ANKRD50: variants seen among roughly 807,000 people sequenced by gnomAD.
The protein encoded by ANKRD50 is ankyrin repeat domain 50, also known as ankyrin repeat domain-containing protein 50.
A neutral mutation model predicts 112.0 loss-of-function variants in ANKRD50; 40 were observed. The ratio of observed to expected loss-of-function variants is 0.36; its 90% confidence interval spans 0.28 to 0.46. ANKRD50 has a LOEUF of 0.46. Ranked by LOEUF, ANKRD50 falls within the 20% of genes least tolerant of loss-of-function variation. The pLI is 1.00. For missense variants in ANKRD50, 1,487 were observed against 1,701.7 expected (o/e 0.87, Z 2.22); for synonymous variants, 613 against 619.1 (o/e 0.99, Z 0.15).
At position 124,665,962 on chromosome 4, in the gene ANKRD50, T is replaced by C. The variant is rs1392270440; in HGVS notation, c.*1556A>G. 6.6e-6 allele frequency: 1 copy of C among 152,078 alleles called. No homozygotes were observed. Among genetic ancestry groups the C allele is most frequent in the South Asian group, 2.1e-4 (1 of 4,832 alleles). 9.4% of individuals were successfully genotyped at this position (152,078 alleles called of 1,614,324 possible). A position where few individuals can be genotyped will look rare whatever the true frequency, so the allele number is the denominator to read the frequency against. On this transcript the variant is annotated 3_prime_UTR_variant, in exon 5 of 5. Coordinates refer to ENST00000504087, the MANE Select transcript of ANKRD50 (RefSeq NM_020337.3). ...ATGAAGATGACATTACTGACCTTTG[T>C]TATTAGGACATATTCTAAAGATTTT... is the stretch of plus-strand genomic sequence containing the variant.
rs778378480 is a variant in ANKRD50 at position 124,665,910 on chromosome 4, A to G, written c.*1608T>C. ...TAATTATACATTTCTATTTCCACGA[A>G]CAATGTATCACATGTGTCCTTCATA... On this transcript the variant is annotated 3_prime_UTR_variant, in exon 5 of 5. Transcript: ENST00000504087. The G allele has an allele frequency of 3.3e-5, 5 of 152,174 alleles. No homozygotes were observed. The highest frequency in any genetic ancestry group is 7.4e-5 in the Non-Finnish European group (5 of 67,898). The allele number at this position is 152,174 out of a possible 1,614,324, so 9.4% of individuals were successfully genotyped here.
In ANKRD50 at chr4:124,678,870, G is replaced by A. The variant is rs2110512874; in HGVS notation, c.548C>T (p.Pro183Leu). 1 of 1,613,568 alleles carries A rather than the reference G, an allele frequency of 6.2e-7. No individual in the cohort carries two copies. Among genetic ancestry groups the A allele is most frequent in the Non-Finnish European group, 8.5e-7 (1 of 1,179,664 alleles). ...VLLPLLGMKP[P>L]QQSLYLLVDS... ...AACAAGCAGGTATAGGCTTTGCTGG[G>A]GAGGCTTCATTCCCAGAAGAGGGAG... is the stretch of plus-strand genomic sequence containing the variant. The change falls in exon 3 of 5, where the codon CCC becomes CTC. Residue 183 changes from proline to leucine, a missense_variant. Coordinates refer to ENST00000504087, the MANE Select transcript of ANKRD50 (RefSeq NM_020337.3).
rs972600223 is a variant in ANKRD50, at chr4:124,669,087, T to A, written c.4190A>T (p.Tyr1397Phe). ...GCTTAATTCTGTCTCTGAGGAAGGGTATCCCTCCAACACTTCCTGATGCCC... is the reference window on the plus strand; with the variant it reads ...GCTTAATTCTGTCTCTGAGGAAGGGAATCCCTCCAACACTTCCTGATGCCC... ...DRGHQEVLEGYPSSETELSLK... is the reference protein window; with the variant it reads ...DRGHQEVLEGFPSSETELSLK... Residue 1397 changes from tyrosine (Y) to phenylalanine (F), a missense_variant, in exon 4 of 5, where the codon TAC becomes TTC. Tyr to Phe is a conservative substitution (Grantham distance 22). This residue lies in a region of ANKRD50 where 441 missense variants were observed against 432.2 expected (regional missense o/e 1.02). Coordinates refer to ENST00000504087, the MANE Select transcript of ANKRD50 (RefSeq NM_020337.3). 1.2e-5 allele frequency: 20 copies of A among 1,613,540 alleles called. No individual in the cohort carries two copies. The African/African-American group carries it at 2.1e-4, about 17-fold the overall frequency.
At chr4:124,683,904 CTT>C (rs5861676) in intron 2 of ANKRD50, among the ~76,000 whole-genome samples, 2 of 111,774 alleles carry the variant, frequency 1.8e-5, no homozygotes, top group African/African-American at 6.9e-5. Flanking sequence ...ATACATCAGT[CTT>C]TTTTTTTTTT....
chr4:124,671,780 C>T lies in ANKRD50; in HGVS notation c.1497G>A (p.Leu499=). Reference sequence around the variant, plus strand: ...TGACATGAGCCCCAGCTTTAACCAACAGCTGTAGCACTTCTTGTTCCTTGG... The same window carrying T: ...TGACATGAGCCCCAGCTTTAACCAATAGCTGTAGCACTTCTTGTTCCTTGG... ...LIPKEQEVLQ[L]LVKAGAHVNS... The change falls in exon 4 of 5, where the codon CTG becomes CTA. Residue 499 remains leucine (L), a synonymous_variant. Transcript: ENST00000504087. 1 of 1,613,902 alleles carries T rather than the reference C, an allele frequency of 6.2e-7. No individual in the cohort carries two copies. Among genetic ancestry groups the T allele is most frequent in the Non-Finnish European group, 8.5e-7 (1 of 1,179,870 alleles).
Position 124,712,703 on chromosome 4 carries a change from G to GCCGCCA in ANKRD50, c.-1010_-1009insTGGCGG. 6.5e-6 allele frequency: 1 copy of GCCGCCA among 154,576 alleles called. No homozygotes were observed. The highest frequency in any genetic ancestry group is 1.4e-5 in the Non-Finnish European group (1 of 71,406). The allele number at this position is 154,576 out of a possible 1,614,324, so 9.6% of individuals were successfully genotyped here. The stretch of plus-strand genomic sequence containing the variant: ...TCGCCCCAGCCCCCACCGGCCAACC[G>GCCGCCA]CCGCCGCCGCCGCCGTCAGGGCAGT... On this transcript the variant is annotated 5_prime_UTR_variant, in exon 1 of 5. Coordinates refer to ENST00000504087, the MANE Select transcript of ANKRD50 (RefSeq NM_020337.3).
chr4:124,707,922 T>C (rs986984672), intron 2 of ANKRD50, among the ~76,000 whole-genome samples: 1 of 152,128 alleles, frequency 6.6e-6, no homozygotes, highest in Admixed American at 6.5e-5. Flanking sequence ...AGGATCAGAA[T>C]ATATCAAAAA....
chr4:124,675,287 C>T (rs1730749110), intron 3 of ANKRD50, among the ~76,000 whole-genome samples: 1 of 151,696 alleles, frequency 6.6e-6, no homozygotes, highest in African/African-American at 2.4e-5. Flanking sequence ...CTGGTGAAAA[C>T]AGAGTGAAAG....
chr4:124,674,198 G>A (rs1284986927), intron 3 of ANKRD50, among the ~76,000 whole-genome samples: 5 of 151,776 alleles, frequency 3.3e-5, no homozygotes, highest in African/African-American at 9.7e-5. Context: ...ACATTATATA[G>A]TGTTTTAAAG....
intron 2 of ANKRD50, among the ~76,000 whole-genome samples, chr4:124,705,516 A>T (rs1725485482): frequency 6.6e-6 from 1 of 152,220 alleles, no homozygotes; most frequent in Non-Finnish European, 1.5e-5. Context: ...CAAGAAATAA[A>T]AGTGAGGTAA....
In ANKRD50 at chr4:124,670,046, A is replaced by G. The variant is rs1183083728; in HGVS notation, c.3231T>C (p.Phe1077=). The part of the protein sequence containing the change: ...HGADPNHADQ[F]GRTAMRVAAK... ...CTGCAACACGCATAGCAGTGCGTCC[A>G]AATTGATCAGCATGGTTTGGATCAG... The change falls in exon 4 of 5, where the codon TTT becomes TTC. Residue 1077 remains phenylalanine (F), a synonymous_variant. Coordinates refer to ENST00000504087, the MANE Select transcript of ANKRD50 (RefSeq NM_020337.3). 1.9e-6 allele frequency: 3 copies of G among 1,611,550 alleles called. No individual in the cohort carries two copies. Among genetic ancestry groups the G allele is most frequent in the Admixed American group, 1.7e-5 (1 of 59,202 alleles).
At position 124,670,377 on chromosome 4, in the gene ANKRD50, T is replaced by A. The variant is rs752337138; in HGVS notation, c.2900A>T (p.Glu967Val). The stretch of plus-strand genomic sequence containing the variant: ...ACTTGCTTCTACGTTTGCACCATTT[T>A]CTAAAAAATATTCGGCCATTGTAAG... Reference protein sequence around the residue: ...NQLTMAEYFLENGANVEASDA... With the variant: ...NQLTMAEYFLVNGANVEASDA... Residue 967 changes from glutamate to valine, a missense_variant, in exon 4 of 5, where the codon GAA (glutamate) becomes GTA (valine). Physicochemically the swap from Glu to Val is moderately radical, Grantham distance 121. Around this residue, in one of 2 missense-constraint regions of ANKRD50, gnomAD observed 1,046 missense variants for 1,269.5 expected, o/e 0.82. Transcript: ENST00000504087. 8 of 1,613,786 alleles carry A rather than the reference T, an allele frequency of 5.0e-6. No individual in the cohort carries two copies. The Admixed American group carries it at 1.3e-4, about 27-fold the overall frequency.
intron 2 of ANKRD50, among the ~76,000 whole-genome samples, chr4:124,687,506 A>C (rs1019169203): frequency 6.6e-6 from 1 of 152,086 alleles, no homozygotes; most frequent in Non-Finnish European, 1.5e-5. Flanking sequence ...CGGGATCCAT[A>C]GAAGGAAAAA....
intron 2 of ANKRD50, among the ~76,000 whole-genome samples, chr4:124,679,375 C>T (rs1403331702): frequency 2.6e-5 from 4 of 152,082 alleles, no homozygotes; most frequent in Non-Finnish European, 5.9e-5. Flanking sequence ...AAAATTACTG[C>T]AGTTTATACA....
chr4:124,703,902 G>A (rs1257050869), intron 2 of ANKRD50, among the ~76,000 whole-genome samples: 1 of 152,156 alleles, frequency 6.6e-6, no homozygotes, highest in Non-Finnish European at 1.5e-5. Flanking sequence ...TAGAGCAGAA[G>A]TGATTAGAGG....
In ANKRD50 at chr4:124,671,523, G is replaced by A. The variant is rs1239523860; in HGVS notation, c.1754C>T (p.Ala585Val). ...CACCTTGGTATGTCCCTGTCTAGCC[G>A]CTAGAGTGAGTGGTGTATGTCCATG... ...DAHGHTPLTL[A>V]ARQGHTKVVN... The change falls in exon 4 of 5, where the codon GCG becomes GTG. Residue 585 changes from alanine to valine, a missense_variant. Coordinates refer to ENST00000504087, the MANE Select transcript of ANKRD50 (RefSeq NM_020337.3). The A allele has an allele frequency of 5.0e-6, 8 of 1,613,682 alleles. No homozygotes were observed. Among genetic ancestry groups the A allele is most frequent in the Non-Finnish European group, 6.8e-6 (8 of 1,179,820 alleles).
At chr4:124,700,187 C>T (rs902555021) in intron 2 of ANKRD50, among the ~76,000 whole-genome samples, 4 of 152,190 alleles carry the variant, frequency 2.6e-5, no homozygotes, top group East Asian at 1.9e-4. Flanking sequence ...AATAGCCATA[C>T]AAAAATGTGC....
At chr4:124,668,677 A>G in intron 4 of ANKRD50, among the ~76,000 whole-genome samples, 1 of 152,238 alleles carries the variant, frequency 6.6e-6, no homozygotes, top group East Asian at 1.9e-4. Context: ...GAAATACAGT[A>G]GTGAACAGAT....
At position 124,671,326 on chromosome 4, in the gene ANKRD50, C is replaced by G. The variant is rs1730646191; in HGVS notation, c.1951G>C (p.Ala651Pro). Residue 651 changes from alanine to proline, a missense_variant, in exon 4 of 5, where the codon GCA (alanine) becomes CCA (proline). Physicochemically the swap from Ala to Pro is conservative, Grantham distance 27. Transcript: ENST00000504087. ...ATATCCTCGTGTCCTCCCCATGCTG[C>G]TGCTCTCAAAGCTGTTCGGCTATCA... ...DADSRTALRA[A>P]AWGGHEDIVL... The G allele has an allele frequency of 7.4e-6, 12 of 1,613,884 alleles. No individual in the cohort carries two copies. The highest frequency in any genetic ancestry group is 1.0e-5 in the Non-Finnish European group (12 of 1,179,872).
Sources: gnomAD v4.1 joint callset for allele counts (sites outside exome capture counted in the v4.1 genomes callset) on GRCh38, gnomAD v4.1.1 for gene constraint, gnomAD v4.1.1 regional missense constraint, MANE v1.5 for transcripts, NCBI Gene and HGNC (gene_info 2026-07-23, HGNC 2026-07-21) for gene names.